The following NOD2 variants were observed in gnomAD, a reference collection of about 807,000 sequenced individuals.
NOD2 encodes nucleotide binding oligomerization domain containing 2.
NOD2 carries 86 observed loss-of-function variants against 90.9 expected under a neutral mutation model. The observed-to-expected ratio is 0.95, with a 90% CI of 0.79 to 1.13. The LOEUF (loss-of-function observed/expected upper bound fraction) is 1.13. Among genes scored for constraint, NOD2 ranks in the 50% most tolerant of loss-of-function variants. The pLI is 0.00. For synonymous variants in NOD2, 581 were observed against 554.6 expected (o/e 1.05, Z -0.67); for missense variants, 1,238 against 1,283.8 (o/e 0.96, Z 0.55).
At chr16:50,719,647 C>A (rs1389359278) in intron 6 of NOD2, 7 of 581,924 alleles carry the variant, frequency 1.2e-5, no homozygotes, top group Non-Finnish European at 2.3e-5. Flanking sequence ...CCCGGGGAAA[C>A]CACCTCCCAG....
intron 4 of NOD2, among the ~76,000 whole-genome samples, chr16:50,716,034 C>T (rs376167633): frequency 5.3e-5 from 8 of 152,092 alleles, no homozygotes; most frequent in Admixed American, 2.0e-4. Context: ...AGGGCTTGCT[C>T]GGCAGGGACT....
intron 1 of NOD2, chr16:50,696,567 T>G (rs1963657367): frequency 6.6e-6 from 1 of 152,476 alleles, no homozygotes; most frequent in Non-Finnish European, 1.5e-5. Flanking sequence ...TTTCCCAATT[T>G]AAACTGAAGC....
chr16:50,722,528 TG>T, intron 7 of NOD2, 93 bp from the exon 8 acceptor site: 1 of 1,216,842 alleles, frequency 8.2e-7, no homozygotes, highest in Non-Finnish European at 1.2e-6. Flanking sequence ...CCCCTCTGGC[TG>T]GGACTGCAGA....
chr16:50,725,436 A>C, intron 9 of NOD2, 53 bp from the exon 10 acceptor site: 1 of 1,405,256 alleles, frequency 7.1e-7, no homozygotes, highest in Non-Finnish European at 1.0e-6. Context: ...TGAGTTCATC[A>C]TCTTCCATAA....
intron 1 of NOD2, chr16:50,697,386 C>A: frequency 1.4e-6 from 2 of 1,385,240 alleles, no homozygotes; most frequent in Non-Finnish European, 1.0e-6. Context: ...CCGCGACATG[C>A]TCCCAGGCCT....
intron 2 of NOD2, among the ~76,000 whole-genome samples, chr16:50,700,693 T>C (rs1363725081): frequency 6.6e-6 from 1 of 152,262 alleles, no homozygotes; most frequent in African/African-American, 2.4e-5. Context: ...TGCTATTTAT[T>C]ATTTCTGTTA....
At chr16:50,706,698 CTT>C (rs529592403) in intron 2 of NOD2, among the ~76,000 whole-genome samples, 70 of 140,418 alleles carry the variant, frequency 5.0e-4, no homozygotes, top group Admixed American at 5.0e-4. Flanking sequence ...CTATTTCTTT[CTT>C]TTTTTTTTTT....
chr16:50,716,699 G>C (rs767945335), intron 5 of NOD2, 29 bp downstream of exon 5: 15 of 1,604,990 alleles, frequency 9.3e-6, no homozygotes, highest in Non-Finnish European at 1.1e-5. Context: ...TGGACAATGG[G>C]CTCCAAGTGC....
In NOD2 at chr16:50,699,765, C is replaced by G; in HGVS notation, c.270C>G (p.Pro90=). ...AAGCCCAGGCCGACAGCCAGTCCCC[C>G]AAGCTGCATGGCTGCTGGGACCCCC... ...AQEAQADSQS[P]KLHGCWDPHS... Residue 90 remains proline, a synonymous_variant, in exon 2 of 12, where the codon CCC becomes CCG. Transcript: ENST00000647318. 6.2e-7 allele frequency: 1 copy of G among 1,613,978 alleles called. No homozygotes were observed. The highest frequency in any genetic ancestry group is 8.5e-7 in the Non-Finnish European group (1 of 1,180,042).
At position 50,712,109 on chromosome 16, in the gene NOD2, T is replaced by C; in HGVS notation, c.2117T>C (p.Val706Ala). 1 of 1,613,980 alleles carries C rather than the reference T, an allele frequency of 6.2e-7. No homozygotes were observed. The highest frequency in any genetic ancestry group is 8.5e-7 in the Non-Finnish European group (1 of 1,180,018). The change falls in exon 4 of 12, where the codon GTG becomes GCG. Residue 706 changes from valine (V) to alanine (A), a missense_variant. Physicochemically the swap from Val to Ala is moderately conservative, Grantham distance 64 (BLOSUM62 0). Coordinates refer to ENST00000647318, the MANE Select transcript of NOD2 (RefSeq NM_001370466.1). ...GCTGCACCGGGTGAGGCCAAGAGCG[T>C]GCATGCCATGCCCGGGTTCATCTGG... The part of the protein sequence containing the change: ...PPAAPGEAKS[V>A]HAMPGFIWLI...
In NOD2 at chr16:50,711,819, C is replaced by A. The variant is rs564754539; in HGVS notation, c.1827C>A (p.Gly609=). 2.5e-6 allele frequency: 4 copies of A among 1,614,002 alleles called. No homozygotes were observed. Among genetic ancestry groups the A allele is most frequent in the Non-Finnish European group, 2.5e-6 (3 of 1,179,914 alleles). Residue 609 remains glycine (G), a synonymous_variant, in exon 4 of 12, where the codon GGC becomes GGA. Transcript: ENST00000647318. Reference sequence around the variant, plus strand: ...ACCTCTTCAATTGTGGCAGGCCAGGCAACTCACCAATGGCCAGGCTCCTGC... The same window carrying A: ...ACCTCTTCAATTGTGGCAGGCCAGGAAACTCACCAATGGCCAGGCTCCTGC... ...LRHLFNCGRP[G]NSPMARLLPT... is the part of the protein sequence containing the mutation.
intron 11 of NOD2, among the ~76,000 whole-genome samples, chr16:50,730,205 G>A (rs73575774): frequency 0.059 from 8,990 of 152,200 alleles, 861 homozygotes; most frequent in African/African-American, 0.2. Flanking sequence ...GTCAGCTCCC[G>A]CCCTCCTAGA....
intron 4 of NOD2, among the ~76,000 whole-genome samples, chr16:50,714,951 G>A (rs976166001): frequency 2.0e-5 from 3 of 152,092 alleles, no homozygotes; most frequent in Non-Finnish European, 4.4e-5. Flanking sequence ...AAATGACTTC[G>A]CTTTATGAAC....
In NOD2 at chr16:50,699,590, G is replaced by A. The variant is rs1435269085; in HGVS notation, c.95G>A (p.Trp32Ter). ...GAAGGCTTCGAGAGTGTCCTGGACT[G>A]GCTGCTGTCCTGGGAGGTCCTCTCC... ...SLEGFESVLDWLLSWEVLSWE... is the reference protein window; with the variant it reads ...SLEGFESVLD The change falls in exon 2 of 12, where the codon TGG (tryptophan) becomes TAG (stop). Residue 32 changes from tryptophan to a stop codon, truncating the protein, a stop_gained. Coordinates refer to ENST00000647318, the MANE Select transcript of NOD2 (RefSeq NM_001370466.1). LOFTEE classifies it high-confidence loss of function. 7 of 1,614,016 alleles carry A rather than the reference G, an allele frequency of 4.3e-6. No homozygotes were observed. The highest frequency in any genetic ancestry group is 1.7e-5 in the Admixed American group (1 of 60,014).
intron 1 of NOD2, chr16:50,697,383 A>G (rs993990048): frequency 7.1e-7 from 1 of 1,408,142 alleles, no homozygotes; most frequent in South Asian, 1.2e-5. Context: ...TGGCCGCGAC[A>G]TGCTCCCAGG....
intron 6 of NOD2, among the ~76,000 whole-genome samples, chr16:50,718,566 C>T (rs989503095): frequency 1.3e-5 from 2 of 152,252 alleles, no homozygotes; most frequent in African/African-American, 2.4e-5. Context: ...CAGGGATTAC[C>T]GTATATCATT....
chr16:50,699,919 G>T lies in NOD2; in HGVS notation c.424G>T (p.Glu142Ter). ...RGFVSQYECD[E>*]IRLPIFTPSQ... ...TTTCGTCAGCCAGTATGAATGTGAT[G>T]AAATCAGGTTGCCGATCTTCACACC... Residue 142 changes from glutamate to a stop codon, truncating the protein, a stop_gained, in exon 2 of 12, where the codon GAA (glutamate) becomes TAA (stop). Transcript: ENST00000647318. LOFTEE classifies it high-confidence loss of function. The T allele has an allele frequency of 3.1e-6, 5 of 1,610,722 alleles. No homozygotes were observed. Among genetic ancestry groups the T allele is most frequent in the Non-Finnish European group, 4.2e-6 (5 of 1,179,996 alleles).
At chr16:50,695,599 G>A (rs1041537242) in intron 1 of NOD2, among the ~76,000 whole-genome samples, 4 of 152,082 alleles carry the variant, frequency 2.6e-5, no homozygotes, top group Non-Finnish European at 5.9e-5. Context: ...GCTCATCTAG[G>A]GATGGAGTGA....
chr16:50,721,083 G>T (rs1965035175), intron 7 of NOD2, among the ~76,000 whole-genome samples: 1 of 151,118 alleles, frequency 6.6e-6, no homozygotes, highest in Admixed American at 6.6e-5. Context: ...GGGATTACAG[G>T]TGTGAGCCAC....
Sources: gnomAD v4.1 joint callset for allele counts (sites outside exome capture counted in the v4.1 genomes callset) on GRCh38, gnomAD v4.1.1 for gene constraint, MANE v1.5 for transcripts, NCBI Gene and HGNC (gene_info 2026-07-23, HGNC 2026-07-21) for gene names.